Variants in CFAP92 observed in about 807,000 individuals in gnomAD.
CFAP92 encodes the protein uncharacterized protein CFAP92.
In CFAP92, 86 loss-of-function variants were observed where a neutral mutation model predicts 106.3. The observed-to-expected ratio is 0.81, with a 90% confidence interval of 0.68 to 0.97. The LOEUF is 0.97. Ranked by LOEUF, CFAP92 falls within the 50% of genes least tolerant of loss-of-function variation. The probability of loss-of-function intolerance (pLI) is 0.00; values close to 1 mark genes in which losing one functional copy is unlikely to be tolerated. For synonymous variants in CFAP92, 477 were observed against 506.4 expected, an observed-to-expected ratio of 0.94 and a Z score of 0.78; for missense variants, 1,204 against 1,283.8, an observed-to-expected ratio of 0.94 and a Z score of 0.95.
chr3:128,988,665 G>A (rs1460436610), intron 3 of CFAP92, 63 bp downstream of exon 3: 2 of 1,527,470 alleles, frequency 1.3e-6, no homozygotes, highest in Non-Finnish European at 1.8e-6. Flanking sequence ...TATCCATGGA[G>A]CAGCACACTT....
chr3:129,003,980 AGCCT>A, upstream of CFAP92: 1 of 1,491,502 alleles, frequency 6.7e-7, no homozygotes, highest in East Asian at 2.9e-5. Context: ...GGTGCTGCGC[AGCCT>A]GCACCGCGTG....
intron 8 of CFAP92, among the ~76,000 whole-genome samples, chr3:128,966,214 G>A (rs558726466): frequency 2.6e-5 from 4 of 152,336 alleles, no homozygotes; most frequent in South Asian, 4.1e-4. Flanking sequence ...CACACAAGCC[G>A]CATTCCAAAT....
chr3:128,914,894 C>T (rs1180918688), intron 15 of CFAP92: 4 of 549,466 alleles, frequency 7.3e-6, no homozygotes, highest in Non-Finnish European at 1.3e-5. Flanking sequence ...AGGGATTTGC[C>T]TCAAGTCACA....
chr3:128,981,253 G>A (rs1184392250), intron 4 of CFAP92, among the ~76,000 whole-genome samples: 6 of 151,596 alleles, frequency 4.0e-5, no homozygotes, highest in East Asian at 1.9e-4. Flanking sequence ...AGTTAGGATC[G>A]TCTTGATCTC....
At position 128,909,952 on chromosome 3, in the gene CFAP92, C is replaced by T. The variant is rs2044268375; in HGVS notation, c.*347G>A. On this transcript the variant is annotated 3_prime_UTR_variant, in exon 16 of 16. Coordinates refer to ENST00000645291, the MANE Select transcript of CFAP92 (RefSeq NM_001394090.1). ...GAGACTAAGACAGGCAAAGATGCAG[C>T]CCAGGGAGGGACCATGTGGGGGACT... 1 of 1,592,468 alleles carries T rather than the reference C, an allele frequency of 6.3e-7. No individual in the cohort carries two copies. The highest frequency in any genetic ancestry group is 8.5e-7 in the Non-Finnish European group (1 of 1,169,746).
chr3:128,980,824 A>AATGT (rs1468601220), intron 4 of CFAP92, among the ~76,000 whole-genome samples: 1 of 152,152 alleles, frequency 6.6e-6, no homozygotes, highest in Non-Finnish European at 1.5e-5. Context: ...TCACATCCTC[A>AATGT]GGCTCCACTT....
At chr3:128,933,540 GCTCA>G (rs761740633) in intron 11 of CFAP92, among the ~76,000 whole-genome samples, 6 of 152,188 alleles carry the variant, frequency 3.9e-5, no homozygotes, top group East Asian at 1.9e-4. Flanking sequence ...GCTGTTGGCG[GCTCA>G]CTGTCTCAGC....
chr3:129,003,457 G>T (rs970730824), upstream of CFAP92: 5 of 229,044 alleles, frequency 2.2e-5, no homozygotes, highest in Admixed American at 6.5e-5. Flanking sequence ...CCGGCAGGCT[G>T]AACGCCGCCA....
chr3:128,996,385 C>CA (rs1944480744), upstream of CFAP92, among the ~76,000 whole-genome samples: 1 of 152,126 alleles, frequency 6.6e-6, no homozygotes, highest in Non-Finnish European at 1.5e-5. Flanking sequence ...GAACGGGAGC[C>CA]ATATTTTTAA....
rs779246298 is a variant in CFAP92, at chr3:128,916,224, G to T, written c.2799C>A (p.Ser933=). The T allele has an allele frequency of 1.6e-6, 2 of 1,232,040 alleles. No individual in the cohort carries two copies. Among genetic ancestry groups the T allele is most frequent in the Non-Finnish European group, 2.0e-6 (2 of 987,958 alleles). 76.3% of individuals were successfully genotyped at this position (1,232,040 alleles called of 1,614,324 possible). A position where few individuals can be genotyped will look rare whatever the true frequency, so the allele number is the denominator to read the frequency against. Residue 933 remains serine, a synonymous_variant, in exon 13 of 16, where the codon TCC becomes TCA. Coordinates refer to ENST00000645291, the MANE Select transcript of CFAP92 (RefSeq NM_001394090.1). ...AYQVSKKPPK[S]VAKVIKISAP... is the part of the protein sequence containing the mutation. ...CTGAAATTTTAATCACCTTCGCCAC[G>T]GACTTCGGAGGCTTCTTGCTGACCT... is the stretch of plus-strand genomic sequence containing the variant.
intron 1 of CFAP92, chr3:129,001,787 C>T (rs751472647): frequency 1.9e-5 from 30 of 1,543,500 alleles, no homozygotes; most frequent in African/African-American, 2.8e-5. Flanking sequence ...TGCTGGCCAC[C>T]GGCCTGGACC....
At chr3:128,922,342 CAA>C (rs71618174) in intron 12 of CFAP92, among the ~76,000 whole-genome samples, 2 of 137,406 alleles carry the variant, frequency 1.5e-5, no homozygotes, top group Admixed American at 7.3e-5. Flanking sequence ...GGCTCCATCT[CAA>C]AAAAAAAAAA....
intron 11 of CFAP92, 127 bp from the exon 12 acceptor site, chr3:128,933,124 T>G (rs1421306285): frequency 1.2e-6 from 1 of 845,674 alleles, no homozygotes; most frequent in Non-Finnish European, 1.8e-6. Flanking sequence ...CTGGAGCTTG[T>G]GACTAAAGAG....
At chr3:129,004,072 C>A, upstream of CFAP92, 1 of 1,501,964 alleles carries the variant, frequency 6.7e-7, no homozygotes, top group Middle Eastern at 2.3e-4. Flanking sequence ...AGCTGCAACG[C>A]TACAGGTGAG....
intron 9 of CFAP92, among the ~76,000 whole-genome samples, chr3:128,962,407 T>C (rs1014031644): frequency 9.2e-5 from 14 of 152,054 alleles, no homozygotes; most frequent in African/African-American, 3.1e-4. Flanking sequence ...ACTTAGACAA[T>C]ACTCTTTTAT....
At chr3:128,942,982 G>A (rs550715709) in intron 10 of CFAP92, among the ~76,000 whole-genome samples, 17 of 140,028 alleles carry the variant, frequency 1.2e-4, no homozygotes, top group East Asian at 2.2e-4. Context: ...GTGCAGTGGC[G>A]CGATCTCACT....
intron 2 of CFAP92, among the ~76,000 whole-genome samples, chr3:128,989,540 G>A (rs1193335964): frequency 6.6e-6 from 1 of 152,152 alleles, no homozygotes; most frequent in African/African-American, 2.4e-5. Context: ...GTGACAGGAT[G>A]TGGAAGGTAC....
At position 128,932,854 on chromosome 3, in the gene CFAP92, A is replaced by G; in HGVS notation, c.2597T>C (p.Phe866Ser). 1 of 1,536,190 alleles carries G rather than the reference A, an allele frequency of 6.5e-7. No homozygotes were observed. Among genetic ancestry groups the G allele is most frequent in the Middle Eastern group, 1.7e-4 (1 of 5,990 alleles). The change falls in exon 12 of 16, where the codon TTT becomes TCT. Residue 866 changes from phenylalanine (F) to serine (S), a missense_variant. By Grantham distance (155) the Phe-to-Ser change is radical. Transcript: ENST00000645291. The part of the protein sequence containing the change: ...SQEELTDEKL[F>S]ALPPQPAPNL... ...GGGGGCAGGCTGAGGTGGTAGGGCAAACAGTTTCTCATCTGTGAGTTCTTC... is the reference window on the plus strand; with the variant it reads ...GGGGGCAGGCTGAGGTGGTAGGGCAGACAGTTTCTCATCTGTGAGTTCTTC...
chr3:128,943,518 G>A (rs1287209866), intron 10 of CFAP92, among the ~76,000 whole-genome samples: 2 of 151,912 alleles, frequency 1.3e-5, no homozygotes, highest in Non-Finnish European at 2.9e-5. Context: ...GTTGAGATAT[G>A]TGTATCAGTA....
Sources: gnomAD v4.1 joint callset for allele counts (sites outside exome capture counted in the v4.1 genomes callset) on GRCh38, gnomAD v4.1.1 for gene constraint, MANE v1.5 for transcripts, NCBI Gene and HGNC (gene_info 2026-07-23, HGNC 2026-07-21) for gene names.